Variants in SLC35D4 observed in about 807,000 individuals in gnomAD.
The protein encoded by SLC35D4 is solute carrier family 35 member D4, also known as UDP-N-acetylglucosamine transporter SLC35D4.
At chr18:23,313,093 C>T in the SLC35D4 span, among the ~76,000 whole-genome samples, 1 of 132,240 alleles carries the variant, frequency 7.6e-6, no homozygotes, top group Non-Finnish European at 1.5e-5. Flanking sequence ...CGCCACTGCA[C>T]TCCAGCCTAT....
the SLC35D4 span, chr18:23,252,922 G>C: frequency 7.2e-7 from 1 of 1,386,728 alleles, no homozygotes; most frequent in Non-Finnish European, 1.0e-6. Context: ...TACGACCCTT[G>C]TTTTAAGGAG....
the SLC35D4 span, among the ~76,000 whole-genome samples, chr18:23,409,318 G>A: frequency 1.3e-5 from 2 of 151,930 alleles, no homozygotes; most frequent in South Asian, 2.1e-4. Context: ...CAACAAAAAC[G>A]GGATGCTATT....
chr18:23,295,327 G>A, the SLC35D4 span, among the ~76,000 whole-genome samples: 3 of 151,578 alleles, frequency 2.0e-5, no homozygotes, highest in Non-Finnish European at 2.9e-5. Flanking sequence ...ATTTACCTAC[G>A]TAACAAACCC....
chr18:23,414,268 GA>G, the SLC35D4 span, among the ~76,000 whole-genome samples: 2 of 110,280 alleles, frequency 1.8e-5, no homozygotes, highest in Admixed American at 1.0e-4. Context: ...AGAAAGAAAA[GA>G]AAAAAAAGAA....
the SLC35D4 span, among the ~76,000 whole-genome samples, chr18:23,400,602 G>C: frequency 6.6e-6 from 1 of 152,146 alleles, no homozygotes; most frequent in South Asian, 2.1e-4. Flanking sequence ...AATCCAACCT[G>C]GGCGACAGAG....
the SLC35D4 span, among the ~76,000 whole-genome samples, chr18:23,283,766 G>T: frequency 6.7e-6 from 1 of 149,964 alleles, no homozygotes; most frequent in African/African-American, 2.5e-5. Flanking sequence ...TCAAGATTGT[G>T]CCACTGCACT....
chr18:23,288,586 C>T, the SLC35D4 span, among the ~76,000 whole-genome samples: 3 of 151,766 alleles, frequency 2.0e-5, no homozygotes, highest in African/African-American at 7.3e-5. Flanking sequence ...ATTAGCTTTA[C>T]TCAACATGCC....
At chr18:23,256,461 TC>T in the SLC35D4 span, among the ~76,000 whole-genome samples, 1 of 152,320 alleles carries the variant, frequency 6.6e-6, no homozygotes, top group South Asian at 2.1e-4. Context: ...GTTTTTATTG[TC>T]GTGCGTGGTT....
the SLC35D4 span, among the ~76,000 whole-genome samples, chr18:23,314,417 T>C: frequency 6.6e-6 from 1 of 151,958 alleles, no homozygotes; most frequent in Non-Finnish European, 1.5e-5. Flanking sequence ...GGGCTGAGAG[T>C]CATGCTCCAG....
the SLC35D4 span, among the ~76,000 whole-genome samples, chr18:23,388,485 G>A: frequency 6.6e-6 from 1 of 152,250 alleles, no homozygotes; most frequent in Admixed American, 6.5e-5. Context: ...CCCAATCCAG[G>A]CCTGTCTAAC....
the SLC35D4 span, among the ~76,000 whole-genome samples, chr18:23,279,572 A>G: frequency 6.6e-5 from 10 of 151,970 alleles, no homozygotes; most frequent in South Asian, 1.7e-3. Flanking sequence ...ACCTAGTTCT[A>G]TGAAGGGGAA....
the SLC35D4 span, chr18:23,352,275 A>G: frequency 1.9e-6 from 3 of 1,607,088 alleles, no homozygotes; most frequent in Middle Eastern, 1.7e-4. Context: ...CATGAGAAAG[A>G]ATCCCAAAAA....
At chr18:23,251,423 C>G in the SLC35D4 span, among the ~76,000 whole-genome samples, 1 of 152,212 alleles carries the variant, frequency 6.6e-6, no homozygotes, top group South Asian at 2.1e-4. Flanking sequence ...TGTACTCCAG[C>G]TTGGGCAACA....
the SLC35D4 span, among the ~76,000 whole-genome samples, chr18:23,315,841 T>C: frequency 9.5e-3 from 1,441 of 152,214 alleles, 22 homozygotes; most frequent in African/African-American, 0.033. Context: ...GGCAGAGTCA[T>C]ATAAGAATAA....
chr18:23,255,584 G>T, the SLC35D4 span, among the ~76,000 whole-genome samples: 59 of 144,002 alleles, frequency 4.1e-4, no homozygotes, highest in Non-Finnish European at 7.6e-4. Flanking sequence ...TTTTGAGACA[G>T]GGTCTCACTC....
chr18:23,414,716 ACC>A, the SLC35D4 span, among the ~76,000 whole-genome samples: 207 of 152,142 alleles, frequency 1.4e-3, 2 homozygotes, highest in South Asian at 2.3e-3. Flanking sequence ...AATGGCACAC[ACC>A]TGTAGTCCCA....
At chr18:23,437,838 C>T in the SLC35D4 span, 5 of 1,612,946 alleles carry the variant, frequency 3.1e-6, no homozygotes, top group Non-Finnish European at 4.2e-6. Flanking sequence ...CGACCAGAGA[C>T]CTCCTCACGC....
the SLC35D4 span, among the ~76,000 whole-genome samples, chr18:23,336,896 T>C: frequency 6.6e-6 from 1 of 152,056 alleles, no homozygotes; most frequent in Non-Finnish European, 1.5e-5. Flanking sequence ...AGTAATAGAA[T>C]ACAAAGTAGA....
the SLC35D4 span, among the ~76,000 whole-genome samples, chr18:23,437,317 G>T: frequency 6.6e-6 from 1 of 152,152 alleles, no homozygotes; most frequent in Non-Finnish European, 1.5e-5. Flanking sequence ...CAAAAAAATT[G>T]ATTCGGGAAT....
Sources: gnomAD v4.1 joint callset for allele counts (sites outside exome capture counted in the v4.1 genomes callset) on GRCh38, gnomAD v4.1.1 for gene constraint, MANE v1.5 for transcripts, NCBI Gene and HGNC (gene_info 2026-07-23, HGNC 2026-07-21) for gene names.